Variants in SHFL observed in about 807,000 individuals in gnomAD.
SHFL encodes shiftless antiviral inhibitor of ribosomal frameshifting protein.
Under a neutral mutation model 34.7 loss-of-function variants are expected in SHFL, and 12 were observed. The observed-to-expected ratio is 0.35, with a 90% confidence interval of 0.22 to 0.56. The LOEUF (loss-of-function observed/expected upper bound fraction) is 0.56. SHFL is among the 20% of genes least tolerant of loss of function. The pLI is 0.88. For synonymous variants in SHFL, 148 were observed against 156.0 expected (o/e 0.95, Z 0.38); for missense variants, 278 against 411.1 (o/e 0.68, Z 2.80).
At chr19:10,090,965 A>G (rs2088374266) in intron 5 of SHFL, among the ~76,000 whole-genome samples, 1 of 152,112 alleles carries the variant, frequency 6.6e-6, no homozygotes, top group Admixed American at 6.6e-5. Context: ...ACACAGCCCC[A>G]AATCTGGCTT....
intron 3 of SHFL, chr19:10,087,989 G>C (rs190767460): frequency 3.9e-5 from 6 of 152,486 alleles, no homozygotes; most frequent in African/African-American, 1.4e-4. Flanking sequence ...GGCCAGGCGC[G>C]GTGGCTCACG....
chr19:10,092,006 C>G (rs1318697835), intron 7 of SHFL, 64 bp from the exon 8 acceptor site: 2 of 1,604,002 alleles, frequency 1.2e-6, no homozygotes, highest in Non-Finnish European at 1.7e-6. Flanking sequence ...TGGCCTAAGT[C>G]CCCTCCTCCC....
Position 10,086,808 on chromosome 19 carries a change from G to A in SHFL, c.22-121G>A, listed in dbSNP as rs558063401. 59 of 1,196,412 alleles carry A rather than the reference G, an allele frequency of 4.9e-5. No homozygotes were observed. The highest frequency in any genetic ancestry group is 6.5e-5 in the Non-Finnish European group (56 of 856,620). 74.1% of individuals were successfully genotyped at this position (1,196,412 alleles called of 1,614,324 possible). A position where few individuals can be genotyped will look rare whatever the true frequency, so the allele number is the denominator to read the frequency against. ...TGCCGTAAAGGGATGAAAGGCGGGG[G>A]GGGGGCGGCGGAGGCCAAAACCAAG... On this transcript the variant is annotated intron_variant, in intron 1 of 7. Transcript: ENST00000253110. This position sits in a 1 kb window ranked among gnomAD's most constrained non-coding sequence, Gnocchi z 5.2.
In SHFL at chr19:10,086,811, G is replaced by GT. The variant is rs1568462439; in HGVS notation, c.22-118_22-117insT. 1.4e-5 allele frequency: 17 copies of GT among 1,214,630 alleles called. No individual in the cohort carries two copies. In the East Asian group the frequency reaches 4.1e-4, roughly 29 times the overall value. 75.2% of individuals were successfully genotyped at this position (1,214,630 alleles called of 1,614,324 possible). A position where few individuals can be genotyped will look rare whatever the true frequency, so the allele number is the denominator to read the frequency against. On this transcript the variant is annotated intron_variant, in intron 1 of 7. Coordinates refer to ENST00000253110, the MANE Select transcript of SHFL (RefSeq NM_018381.4). This position sits in a 1 kb window ranked among gnomAD's most constrained non-coding sequence, Gnocchi z 5.2. ...CGTAAAGGGATGAAAGGCGGGGGGG[G>GT]GGCGGCGGAGGCCAAAACCAAGGGT...
chr19:10,088,738 G>A (rs939021428), intron 3 of SHFL, among the ~76,000 whole-genome samples: 1 of 152,024 alleles, frequency 6.6e-6, no homozygotes, highest in African/African-American at 2.4e-5. Context: ...TTGAGGTCAG[G>A]AGTTCGAGAT....
intron 5 of SHFL, among the ~76,000 whole-genome samples, chr19:10,090,920 G>T (rs912653678): frequency 8.3e-6 from 1 of 119,808 alleles, no homozygotes; most frequent in Non-Finnish European, 1.9e-5. Flanking sequence ...AAAAAAAAAA[G>T]AAAGAAAGAA....
Position 10,089,325 on chromosome 19 carries a change from C to G in SHFL, c.196-332C>G. 1.9e-6 allele frequency: 3 copies of G among 1,598,444 alleles called. No individual in the cohort carries two copies. The South Asian group carries it at 3.3e-5, about 18-fold the overall frequency. ...CACTTAGCCGAGCACAACGTGGCCT[C>G]AAAGGGGCGATATGTCACAACATCA... is the stretch of plus-strand genomic sequence containing the variant. On this transcript the variant is annotated intron_variant, in intron 3 of 7. Transcript: ENST00000253110.
rs1204264172 is a variant in SHFL, at chr19:10,092,141, C to T, written c.715C>T (p.His239Tyr). The T allele has an allele frequency of 4.3e-6, 7 of 1,613,848 alleles. No individual in the cohort carries two copies. The East Asian group carries it at 8.9e-5, about 21-fold the overall frequency. ...RKQNHLPKVLHPSNPHISSGS... is the reference protein window; with the variant it reads ...RKQNHLPKVLYPSNPHISSGS... Reference sequence around the variant, plus strand: ...GCAGAACCACCTGCCCAAAGTGCTCCACCCCAGCAACCCTCACATTAGCAG... The same window carrying T: ...GCAGAACCACCTGCCCAAAGTGCTCTACCCCAGCAACCCTCACATTAGCAG... Residue 239 changes from histidine to tyrosine, a missense_variant, in exon 8 of 8, where the codon CAC (histidine) becomes TAC (tyrosine). Coordinates refer to ENST00000253110, the MANE Select transcript of SHFL (RefSeq NM_018381.4).
In SHFL at chr19:10,092,794, A is replaced by T. The variant is rs1225327422; in HGVS notation, c.*492A>T. 3 of 1,581,536 alleles carry T rather than the reference A, an allele frequency of 1.9e-6. No individual in the cohort carries two copies. The East Asian group carries it at 6.8e-5, about 36-fold the overall frequency. On this transcript the variant is annotated 3_prime_UTR_variant, in exon 8 of 8. Coordinates refer to ENST00000253110, the MANE Select transcript of SHFL (RefSeq NM_018381.4). ...GGCACAGTTACCTGAGGGGAGAGAG[A>T]GAGTCCATGTCCTCTCACCAGAATA...
chr19:10,089,159 C>T (rs892035510), intron 3 of SHFL: 13 of 707,788 alleles, frequency 1.8e-5, no homozygotes, highest in Non-Finnish European at 2.9e-5. Flanking sequence ...GGGGCAGCTG[C>T]GATTTGAACC....
chr19:10,091,246 C>T lies in SHFL; in HGVS notation c.385-4C>T. 6.2e-7 allele frequency: 1 copy of T among 1,613,276 alleles called. No homozygotes were observed. Among genetic ancestry groups the T allele is most frequent in the Non-Finnish European group, 8.5e-7 (1 of 1,179,444 alleles). ...CTCTGTACCTTCCTGCCCACCACCA[C>T]CAGGTATCCCGGTGCCGGAAATGCC... On this transcript the variant is annotated splice_polypyrimidine_tract_variant and splice_region_variant and intron_variant, in intron 5 of 7. Transcript: ENST00000253110. The surrounding 1 kb of genome is among the most constrained non-coding windows in gnomAD (Gnocchi z 8.2).
At chr19:10,087,846 AAT>A (rs2088313798) in intron 3 of SHFL, 1 of 165,990 alleles carries the variant, frequency 6.0e-6, no homozygotes, top group African/African-American at 2.4e-5. Context: ...TGAATGAATG[AAT>A]GAATGAATGA....
At chr19:10,089,727 A>G (rs2145155422) in intron 4 of SHFL, 32 bp downstream of exon 4, 2 of 1,586,300 alleles carry the variant, frequency 1.3e-6, no homozygotes, top group South Asian at 2.3e-5. Context: ...GGGATGGGGG[A>G]GTTGGGAGGG....
At chr19:10,089,718 G>C in intron 4 of SHFL, 23 bp downstream of exon 4, 1 of 1,591,466 alleles carries the variant, frequency 6.3e-7, no homozygotes, top group South Asian at 1.1e-5. Flanking sequence ...CTAGGGCTTG[G>C]GATGGGGGAG....
chr19:10,088,997 C>A, intron 3 of SHFL: 1 of 178,952 alleles, frequency 5.6e-6, no homozygotes, highest in Non-Finnish European at 1.1e-5. Flanking sequence ...ATAATATTAG[C>A]AGAGAGTAGC....
In SHFL at chr19:10,086,834, G is replaced by T. The variant is rs1024282321; in HGVS notation, c.22-95G>T. The T allele has an allele frequency of 8.9e-6, 13 of 1,461,362 alleles. No individual in the cohort carries two copies. Among genetic ancestry groups the T allele is most frequent in the Admixed American group, 4.2e-5 (2 of 48,106 alleles). 90.5% of individuals were successfully genotyped at this position (1,461,362 alleles called of 1,614,324 possible). A position where few individuals can be genotyped will look rare whatever the true frequency, so the allele number is the denominator to read the frequency against. On this transcript the variant is annotated intron_variant, in intron 1 of 7. Transcript: ENST00000253110. The surrounding 1 kb of genome is among the most constrained non-coding windows in gnomAD (Gnocchi z 5.2). ...GGGGGCGGCGGAGGCCAAAACCAAG[G>T]GTCAAGTTCGGGCCGGGAGAACGGT...
chr19:10,086,832 A>G lies in SHFL; in HGVS notation c.22-97A>G. The G allele has an allele frequency of 3.5e-6, 5 of 1,444,644 alleles. No individual in the cohort carries two copies. Among genetic ancestry groups the G allele is most frequent in the Non-Finnish European group, 4.7e-6 (5 of 1,063,636 alleles). 89.5% of individuals were successfully genotyped at this position (1,444,644 alleles called of 1,614,324 possible). ...GGGGGGGCGGCGGAGGCCAAAACCAAGGGTCAAGTTCGGGCCGGGAGAACG... is the reference window on the plus strand; with the variant it reads ...GGGGGGGCGGCGGAGGCCAAAACCAGGGGTCAAGTTCGGGCCGGGAGAACG... On this transcript the variant is annotated intron_variant, in intron 1 of 7. Coordinates refer to ENST00000253110, the MANE Select transcript of SHFL (RefSeq NM_018381.4). The surrounding 1 kb of genome is among the most constrained non-coding windows in gnomAD (Gnocchi z 5.2).
At chr19:10,087,130 G>A (rs903118672) in intron 2 of SHFL, 78 bp downstream of exon 2, 7 of 1,587,528 alleles carry the variant, frequency 4.4e-6, no homozygotes, top group Non-Finnish European at 5.1e-6. Flanking sequence ...AGGGAGAGGC[G>A]TTGAGATCAC....
At chr19:10,090,269 C>T (rs1426767286) in intron 5 of SHFL, 2 of 579,156 alleles carry the variant, frequency 3.5e-6, no homozygotes, top group Non-Finnish European at 6.1e-6. Context: ...TACCCCAGAA[C>T]CTGACCCTTG....
Sources: gnomAD v4.1 joint callset for allele counts (sites outside exome capture counted in the v4.1 genomes callset) on GRCh38, gnomAD v4.1.1 for gene constraint, Gnocchi (gnomAD v3.1) non-coding constraint, MANE v1.5 for transcripts, NCBI Gene and HGNC (gene_info 2026-07-23, HGNC 2026-07-21) for gene names.